The following CABP7 variants were observed in gnomAD, a reference collection of about 807,000 sequenced individuals.
CABP7 encodes calcium binding protein 7.
CABP7 carries 13 observed loss-of-function variants against 23.1 expected under a neutral mutation model. The observed-to-expected ratio is 0.56, with a 90% CI of 0.37 to 0.90. CABP7 has a LOEUF of 0.90. Among genes scored for constraint, CABP7 ranks in the 40% least tolerant of loss-of-function variants. The pLI is 0.01. For missense variants in CABP7, 248 were observed against 295.6 expected, an observed-to-expected ratio of 0.84 and a Z score of 1.18; for synonymous variants, 123 against 115.3, an observed-to-expected ratio of 1.07 and a Z score of -0.43.
chr22:29,729,686 G>C lies in CABP7; in HGVS notation c.*117G>C. On this transcript the variant is annotated 3_prime_UTR_variant, in exon 5 of 5. Coordinates refer to ENST00000216144, the MANE Select transcript of CABP7 (RefSeq NM_182527.3). The stretch of plus-strand genomic sequence containing the variant: ...TGGGCCGCCATCTGCGTGTACTTCA[G>C]GGCCTGGGTATCCAGCGAGCCCTCC... 3 of 1,356,774 alleles carry C rather than the reference G, an allele frequency of 2.2e-6. No homozygotes were observed. The highest frequency in any genetic ancestry group is 3.0e-6 in the Non-Finnish European group (3 of 996,710). 84.0% of individuals were successfully genotyped at this position (1,356,774 alleles called of 1,614,324 possible). A position where few individuals can be genotyped will look rare whatever the true frequency, so the allele number is the denominator to read the frequency against.
chr22:29,731,107 A>G lies in CABP7; in HGVS notation c.*1538A>G. 1.7e-6 allele frequency: 2 copies of G among 1,171,774 alleles called. No homozygotes were observed. Among genetic ancestry groups the G allele is most frequent in the Non-Finnish European group, 1.1e-6 (1 of 874,862 alleles). 72.6% of individuals were successfully genotyped at this position (1,171,774 alleles called of 1,614,324 possible). ...TTGGTGTGGCCGTGTCCTGAGCCTC[A>G]GTGAGGCTGGGCAGATGGTCTCGGA... On this transcript the variant is annotated 3_prime_UTR_variant, in exon 5 of 5. Coordinates refer to ENST00000216144, the MANE Select transcript of CABP7 (RefSeq NM_182527.3).
Position 29,720,090 on chromosome 22 carries a change from C to T in CABP7, c.-335C>T, listed in dbSNP as rs1223825005. 1 of 148,286 alleles carries T rather than the reference C, an allele frequency of 6.7e-6. No individual in the cohort carries two copies. Among genetic ancestry groups the T allele is most frequent in the Non-Finnish European group, 1.5e-5 (1 of 66,494 alleles). The allele number at this position is 148,286 out of a possible 1,614,324, so 9.2% of individuals were successfully genotyped here. On this transcript the variant is annotated 5_prime_UTR_variant, in exon 1 of 5. Coordinates refer to ENST00000216144, the MANE Select transcript of CABP7 (RefSeq NM_182527.3). The surrounding 1 kb of genome is among the most constrained non-coding windows in gnomAD (Gnocchi z 5.2). The stretch of plus-strand genomic sequence containing the variant: ...CCGCGCCGGCGAGCGGACTAGCGGG[C>T]GGCGAGCAGCGCGGAGCGCGCGGGG...
chr22:29,723,574 C>T (rs1369243058), intron 1 of CABP7, among the ~76,000 whole-genome samples: 3 of 152,370 alleles, frequency 2.0e-5, no homozygotes, highest in Admixed American at 6.5e-5. Flanking sequence ...TCCAGGCAGA[C>T]AGTCCCCAGG....
intron 1 of CABP7, among the ~76,000 whole-genome samples, chr22:29,726,198 C>T (rs958972923): frequency 1.3e-5 from 2 of 152,180 alleles, no homozygotes; most frequent in Admixed American, 6.5e-5. Context: ...AGTCTGGGGG[C>T]CCAGGCAACC....
Position 29,729,702 on chromosome 22 carries a change from C to CG in CABP7, c.*134dup. On this transcript the variant is annotated 3_prime_UTR_variant, in exon 5 of 5. Coordinates refer to ENST00000216144, the MANE Select transcript of CABP7 (RefSeq NM_182527.3). ...TGTACTTCAGGGCCTGGGTATCCAG[C>CG]GAGCCCTCCCCACCCACCCACGGTC... The CG allele has an allele frequency of 8.5e-7, 1 of 1,180,226 alleles. No homozygotes were observed. Among genetic ancestry groups the CG allele is most frequent in the Non-Finnish European group, 1.2e-6 (1 of 850,936 alleles). 73.1% of individuals were successfully genotyped at this position (1,180,226 alleles called of 1,614,324 possible).
intron 1 of CABP7, among the ~76,000 whole-genome samples, chr22:29,721,225 A>T (rs941342494): frequency 6.6e-6 from 1 of 151,994 alleles, no homozygotes; most frequent in Non-Finnish European, 1.5e-5. Flanking sequence ...ACCCGCCCCC[A>T]CCCCGTTCCC....
intron 1 of CABP7, among the ~76,000 whole-genome samples, chr22:29,722,788 C>T (rs1302244620): frequency 1.3e-5 from 2 of 152,208 alleles, no homozygotes; most frequent in African/African-American, 4.8e-5. Flanking sequence ...ACGCCATTCG[C>T]GGAGGAGCCA....
intron 1 of CABP7, among the ~76,000 whole-genome samples, chr22:29,723,010 C>T (rs1160369981): frequency 3.3e-5 from 5 of 152,224 alleles, no homozygotes; most frequent in South Asian, 2.1e-4. Flanking sequence ...CTTGGGCAAT[C>T]GCTCACCTCT....
At chr22:29,725,504 C>A (rs1437760531) in intron 1 of CABP7, among the ~76,000 whole-genome samples, 1 of 152,178 alleles carries the variant, frequency 6.6e-6, no homozygotes, top group Non-Finnish European at 1.5e-5. Context: ...GGGACACAGC[C>A]ACGAACAAGA....
chr22:29,720,130 C>A lies in CABP7; in HGVS notation c.-295C>A, dbSNP rs1172701698. ...AGCGCGCGGGGCACCGAGGAGCGGG[C>A]GCGGCGGGCACCGCGCGAGGCAGCC... On this transcript the variant is annotated 5_prime_UTR_variant, in exon 1 of 5. Transcript: ENST00000216144. This position sits in a 1 kb window ranked among gnomAD's most constrained non-coding sequence, Gnocchi z 5.2. The A allele has an allele frequency of 6.8e-6, 1 of 147,276 alleles. No individual in the cohort carries two copies. Among genetic ancestry groups the A allele is most frequent in the Non-Finnish European group, 1.5e-5 (1 of 66,114 alleles). 9.1% of individuals were successfully genotyped at this position (147,276 alleles called of 1,614,324 possible). A position where few individuals can be genotyped will look rare whatever the true frequency, so the allele number is the denominator to read the frequency against.
Position 29,723,724 on chromosome 22 carries a change from G to A in CABP7, c.109+3191G>A, listed in dbSNP as rs969799408. Among the ~76,000 whole-genome samples the A allele has an allele frequency of 4.6e-5, 7 of 152,240 alleles. No homozygotes were observed. The East Asian group carries it at 5.8e-4, about 13-fold the overall frequency. ...TCTCTGCCCTGCAAGGCCAGGAGCC[G>A]CCTCTGCACAGCCAAAAGCTCAGGG... is the stretch of plus-strand genomic sequence containing the variant. On this transcript the variant is annotated intron_variant, in intron 1 of 4. Coordinates refer to ENST00000216144, the MANE Select transcript of CABP7 (RefSeq NM_182527.3).
intron 1 of CABP7, among the ~76,000 whole-genome samples, chr22:29,726,967 C>A (rs1346723300): frequency 1.3e-5 from 2 of 152,144 alleles, no homozygotes; most frequent in African/African-American, 4.8e-5. Context: ...GTTGCTTGTT[C>A]CCCGGGCTCC....
chr22:29,727,833 C>T lies in CABP7; in HGVS notation c.253+28C>T. ...GAGCACCCCCCCGCCTCGGTTTCCC[C>T]ACCTGGCATCTGGGCCCTGGGGGTG... On this transcript the variant is annotated intron_variant, in intron 2 of 4. Coordinates refer to ENST00000216144, the MANE Select transcript of CABP7 (RefSeq NM_182527.3). The surrounding 1 kb of genome is among the most constrained non-coding windows in gnomAD (Gnocchi z 4.2). The T allele has an allele frequency of 6.3e-7, 1 of 1,594,428 alleles. No homozygotes were observed.
At position 29,727,994 on chromosome 22, in the gene CABP7, G is replaced by C. The variant is rs974347967; in HGVS notation, c.253+189G>C. Among the ~76,000 whole-genome samples the C allele has an allele frequency of 6.6e-6, 1 of 152,226 alleles. No homozygotes were observed. Among genetic ancestry groups the C allele is most frequent in the Non-Finnish European group, 1.5e-5 (1 of 68,032 alleles). On this transcript the variant is annotated intron_variant, in intron 2 of 4. Coordinates refer to ENST00000216144, the MANE Select transcript of CABP7 (RefSeq NM_182527.3). This position sits in a 1 kb window ranked among gnomAD's most constrained non-coding sequence, Gnocchi z 4.2. ...TTCTCAGCCTGGAGAATTGAGGCCA[G>C]AGAGGTAGTGACAGTCCCAGCCACA...
At position 29,731,779 on chromosome 22, in the gene CABP7, TAAAAATATA is replaced by T. The variant is rs2067848141; in HGVS notation, c.*2211_*2219del. 6.5e-6 allele frequency: 1 copy of T among 154,072 alleles called. No homozygotes were observed. The allele number at this position is 154,072 out of a possible 1,614,324, so 9.5% of individuals were successfully genotyped here. A position where few individuals can be genotyped will look rare whatever the true frequency, so the allele number is the denominator to read the frequency against. ...TATATAGCATGATACTATTTTTGTT[TAAAAATATA>T]TAAAATATATAAATGCATAAAAAAA... On this transcript the variant is annotated 3_prime_UTR_variant, in exon 5 of 5. Transcript: ENST00000216144.
intron 3 of CABP7, 98 bp from the exon 4 acceptor site, chr22:29,728,957 C>A: frequency 6.8e-7 from 1 of 1,471,124 alleles, no homozygotes; most frequent in African/African-American, 1.4e-5. Flanking sequence ...TTCCAGCCCC[C>A]CAGAATCTAG....
Position 29,727,092 on chromosome 22 carries a change from G to A in CABP7, c.110-570G>A, listed in dbSNP as rs549171128. Among the ~76,000 whole-genome samples, 159 of 152,304 alleles carry A rather than the reference G, an allele frequency of 1.0e-3. No individual in the cohort carries two copies. The highest frequency in any genetic ancestry group is 3.6e-3 in the African/African-American group (149 of 41,576). ...CAGTCTGGTCTGGCCTGGACCTGGA[G>A]GGGGGCTCCTTCCCCCTCTGTCTTC... On this transcript the variant is annotated intron_variant, in intron 1 of 4. Coordinates refer to ENST00000216144, the MANE Select transcript of CABP7 (RefSeq NM_182527.3). The surrounding 1 kb of genome is among the most constrained non-coding windows in gnomAD (Gnocchi z 4.2).
At chr22:29,724,249 A>T (rs1288031608) in intron 1 of CABP7, among the ~76,000 whole-genome samples, 1 of 152,166 alleles carries the variant, frequency 6.6e-6, no homozygotes, top group African/African-American at 2.4e-5. Flanking sequence ...AGGCTTAGAG[A>T]GGGACGTGAC....
rs2067842867 is a variant in CABP7 at position 29,731,418 on chromosome 22, C to T, written c.*1849C>T. ...CTACAGCCCAGGCTTATGCCACCCCCAGCCCACCTGCCTCACCACCCTGGC... is the reference window on the plus strand; with the variant it reads ...CTACAGCCCAGGCTTATGCCACCCCTAGCCCACCTGCCTCACCACCCTGGC... On this transcript the variant is annotated 3_prime_UTR_variant, in exon 5 of 5. Transcript: ENST00000216144. 2 of 1,509,078 alleles carry T rather than the reference C, an allele frequency of 1.3e-6. No individual in the cohort carries two copies. The highest frequency in any genetic ancestry group is 1.4e-5 in the South Asian group (1 of 73,074). 93.5% of individuals were successfully genotyped at this position (1,509,078 alleles called of 1,614,324 possible). A position where few individuals can be genotyped will look rare whatever the true frequency, so the allele number is the denominator to read the frequency against.
Sources: gnomAD v4.1 joint callset for allele counts (sites outside exome capture counted in the v4.1 genomes callset) on GRCh38, gnomAD v4.1.1 for gene constraint, Gnocchi (gnomAD v3.1) non-coding constraint, MANE v1.5 for transcripts, NCBI Gene and HGNC (gene_info 2026-07-23, HGNC 2026-07-21) for gene names.